Variants in DNAH2 observed in about 807,000 individuals in gnomAD.
DNAH2 encodes the protein axonemal beta dynein heavy chain 2.
In DNAH2, 323 loss-of-function variants were observed where a neutral mutation model predicts 523.5. That is an observed-to-expected ratio of 0.62 (90% confidence interval 0.56 to 0.68). The LOEUF (loss-of-function observed/expected upper bound fraction) is 0.68. Ranked by LOEUF, DNAH2 falls within the 30% of genes least tolerant of loss-of-function variation. The pLI is 0.00. For missense variants in DNAH2, 4,907 were observed against 5,701.5 expected, an observed-to-expected ratio of 0.86 and a Z score of 4.49; for synonymous variants, 2,093 against 2,177.4, an observed-to-expected ratio of 0.96 and a Z score of 1.08.
Position 7,738,391 on chromosome 17 carries a change from G to A in DNAH2, c.1170+1133G>A, listed in dbSNP as rs540469610. ...GCCACCCAGGCTGGAGTGCAGTGGC[G>A]CGATCTCAGCTCACTGCAAGCTCAG... On this transcript the variant is annotated intron_variant, in intron 8 of 85. Coordinates refer to ENST00000572933, the MANE Select transcript of DNAH2 (RefSeq NM_020877.5). Among the ~76,000 whole-genome samples the A allele has an allele frequency of 7.3e-4, 111 of 152,010 alleles. 1 individual carries two copies. The highest frequency in any genetic ancestry group is 1.5e-3 in the South Asian group (7 of 4,820).
At chr17:7,740,066 C>CG (rs35897432) in intron 9 of DNAH2, 128 bp downstream of exon 9, 104,014 of 274,746 alleles carry the variant, frequency 0.38, 11,157 homozygotes, top group East Asian at 0.59. Context: ...GGCGGTGGCC[C>CG]GGGGGGGGGG....
At chr17:7,733,464 GC>G (rs910804185) in intron 5 of DNAH2, 149 bp downstream of exon 5, 86 of 565,118 alleles carry the variant, frequency 1.5e-4, no homozygotes, top group Non-Finnish European at 2.2e-4. Flanking sequence ...TACAAGATCC[GC>G]CTTCTTCTTC....
At chr17:7,719,650 A>T in intron 1 of DNAH2, 71 bp from the exon 2 acceptor site, 1 of 1,567,230 alleles carries the variant, frequency 6.4e-7, no homozygotes. Context: ...TTCAAAAGGG[A>T]CTGCTTGTAT....
chr17:7,763,531 G>A (rs888326514), intron 18 of DNAH2, among the ~76,000 whole-genome samples: 3 of 152,064 alleles, frequency 2.0e-5, no homozygotes, highest in African/African-American at 7.2e-5. Flanking sequence ...CACCTGCCTC[G>A]GCCTCCCAAA....
rs2642160 is a variant in DNAH2 at position 7,742,848 on chromosome 17, A to T, written c.1690-80A>T. On this transcript the variant is annotated intron_variant, in intron 11 of 85. Coordinates refer to ENST00000572933, the MANE Select transcript of DNAH2 (RefSeq NM_020877.5). The stretch of plus-strand genomic sequence containing the variant: ...TGTTGGGGTATGTGCGCATGCGCGC[A>T]TGTGTAGGTCTCAGGGAGATGGTGG... 3 of 1,000,250 alleles carry T rather than the reference A, an allele frequency of 3.0e-6. No homozygotes were observed. In the African/African-American group the frequency reaches 5.1e-5, roughly 17 times the overall value. The allele number at this position is 1,000,250 out of a possible 1,614,324, so 62.0% of individuals were successfully genotyped here.
chr17:7,787,145 A>C (rs769249402), intron 42 of DNAH2, 112 bp downstream of exon 42: 96 of 1,366,516 alleles, frequency 7.0e-5, no homozygotes, highest in Non-Finnish European at 9.3e-5. Context: ...TCTGTGGGAG[A>C]GAGCTGAAAG....
In DNAH2 at chr17:7,770,333, G is replaced by A; in HGVS notation, c.4023G>A (p.Glu1341=). Residue 1341 remains glutamate, a synonymous_variant, in exon 25 of 86, where the codon GAG becomes GAA. Transcript: ENST00000572933. ...GCTTCACCTTGGAGCAGATTGTGGA[G>A]CTTGGGATGGATCAGCATGTGGAGA... ...SESFTLEQIV[E]LGMDQHVEKI... 2 of 1,614,146 alleles carry A rather than the reference G, an allele frequency of 1.2e-6. No individual in the cohort carries two copies. The highest frequency in any genetic ancestry group is 2.2e-5 in the East Asian group (1 of 44,890).
chr17:7,733,282 T>C lies in DNAH2; in HGVS notation c.595T>C (p.Ser199Pro), dbSNP rs2151136487. 1 of 1,614,102 alleles carries C rather than the reference T, an allele frequency of 6.2e-7. No individual in the cohort carries two copies. The highest frequency in any genetic ancestry group is 8.5e-7 in the Non-Finnish European group (1 of 1,180,018). Residue 199 changes from serine (S) to proline (P), a missense_variant, in exon 5 of 86, where the codon TCT becomes CCT. By Grantham distance (74) the Ser-to-Pro change is moderately conservative (BLOSUM62 -1). Transcript: ENST00000572933. ...WPESIRNHFA[S>P]HLHKFLACLT... ...TGAGAGCATTAGAAATCATTTTGCT[T>C]CTCATCTGCACAAGTTCTTGGCCTG...
At chr17:7,774,119 C>G (rs1339672896) in intron 28 of DNAH2, among the ~76,000 whole-genome samples, 1 of 152,194 alleles carries the variant, frequency 6.6e-6, no homozygotes, top group Admixed American at 6.5e-5. Context: ...TATGGAAGCA[C>G]TTTACGGCTT....
intron 8 of DNAH2, chr17:7,738,884 C>G (rs1411912578): frequency 8.7e-6 from 6 of 692,016 alleles, no homozygotes; most frequent in Non-Finnish European, 1.6e-5. Context: ...CATAGCCAGA[C>G]TGCTCTTGCC....
rs190599174 is a variant in DNAH2, at chr17:7,770,540, C to T, written c.4099-17C>T. 5.0e-3 allele frequency: 8,112 copies of T among 1,613,970 alleles called. 23 individuals carry two copies. The highest frequency in any genetic ancestry group is 8.4e-3 in the Middle Eastern group (51 of 6,060). Reference sequence around the variant, plus strand: ...AAGAGATACCTGACTGCTGTGTCCCCCAATTTCTCTCCACAGGCTTTACAA... The same window carrying T: ...AAGAGATACCTGACTGCTGTGTCCCTCAATTTCTCTCCACAGGCTTTACAA... On this transcript the variant is annotated splice_polypyrimidine_tract_variant and intron_variant, in intron 25 of 85. Coordinates refer to ENST00000572933, the MANE Select transcript of DNAH2 (RefSeq NM_020877.5).
At chr17:7,778,534 G>A in intron 35 of DNAH2, 65 bp downstream of exon 35, 1 of 1,470,458 alleles carries the variant, frequency 6.8e-7, no homozygotes, top group Non-Finnish European at 9.1e-7. Flanking sequence ...AAAATAAACT[G>A]AAACCCAAAT....
Position 7,817,383 on chromosome 17 carries a change from G to C in DNAH2, c.9988G>C (p.Asp3330His), listed in dbSNP as rs2077702209. The change falls in exon 65 of 86, where the codon GAT (aspartate) becomes CAT (histidine). Residue 3330 changes from aspartate to histidine, a missense_variant. By Grantham distance (81) the Asp-to-His change is moderately conservative. This residue lies in a region of DNAH2 where 1,851 missense variants were observed against 2,139.4 expected (regional missense o/e 0.87). Coordinates refer to ENST00000572933, the MANE Select transcript of DNAH2 (RefSeq NM_020877.5). ...YMGPFLTNYR[D>H]EIVNQIWIGK... ...GGGACCCTTCCTGACCAACTACCGG[G>C]ATGAGATTGTCAACCAAATCTGGAT... 6.2e-7 allele frequency: 1 copy of C among 1,613,756 alleles called. No individual in the cohort carries two copies. Among genetic ancestry groups the C allele is most frequent in the Non-Finnish European group, 8.5e-7 (1 of 1,179,984 alleles).
intron 73 of DNAH2, among the ~76,000 whole-genome samples, chr17:7,823,236 G>A (rs557349570): frequency 3.3e-4 from 49 of 150,412 alleles, no homozygotes; most frequent in African/African-American, 1.2e-3. Flanking sequence ...AGAGGTTGCA[G>A]TGAGCCGAGA....
intron 39 of DNAH2, among the ~76,000 whole-genome samples, chr17:7,785,493 A>G (rs1012760818): frequency 1.3e-5 from 2 of 152,206 alleles, no homozygotes; most frequent in Non-Finnish European, 2.9e-5. Context: ...CATACTAATA[A>G]AACTACTTCT....
Position 7,767,935 on chromosome 17 carries a change from A to G in DNAH2, c.3711A>G (p.Ala1237=). ...LDALQQIWEI[A]RDWEENWNEW... ...CCCTCCAGCAAATCTGGGAGATCGC[A>G]CGAGACTGGGAGGAGAACTGGAATG... The change falls in exon 23 of 86, where the codon GCA becomes GCG. Residue 1237 remains alanine, a synonymous_variant. Transcript: ENST00000572933. The G allele has an allele frequency of 6.2e-7, 1 of 1,614,066 alleles. No homozygotes were observed. The highest frequency in any genetic ancestry group is 8.5e-7 in the Non-Finnish European group (1 of 1,179,948).
Position 7,798,589 on chromosome 17 carries a change from G to A in DNAH2, c.8430G>A (p.Val2810=), listed in dbSNP as rs759919828. ...DIKRLYRQAG[V]ELKTTSFIFV... ...AGCGTCTGTATCGCCAGGCTGGGGT[G>A]GAGCTCAAGACCACGTCCTTCATTT... is the stretch of plus-strand genomic sequence containing the variant. Residue 2810 remains valine (V), a synonymous_variant, in exon 55 of 86, where the codon GTG becomes GTA. Coordinates refer to ENST00000572933, the MANE Select transcript of DNAH2 (RefSeq NM_020877.5). This position sits in a 1 kb window ranked among gnomAD's most constrained non-coding sequence, Gnocchi z 5.5. 1.9e-5 allele frequency: 31 copies of A among 1,614,040 alleles called. No individual in the cohort carries two copies. Among genetic ancestry groups the A allele is most frequent in the Admixed American group, 3.3e-5 (2 of 60,008 alleles).
At chr17:7,778,210 G>A (rs371045405) in intron 34 of DNAH2, 30 bp downstream of exon 34, 73 of 1,613,986 alleles carry the variant, frequency 4.5e-5, no homozygotes, top group East Asian at 2.0e-4. Flanking sequence ...TGAGGTGGCT[G>A]GGGTGGGGGG....
intron 63 of DNAH2, among the ~76,000 whole-genome samples, chr17:7,814,794 G>T (rs2077614014): frequency 6.6e-6 from 1 of 152,212 alleles, no homozygotes; most frequent in African/African-American, 2.4e-5. Context: ...AGGTTGCGGT[G>T]AGGTGAGATG....
Sources: allele counts gnomAD v4.1 joint callset (sites outside exome capture counted in the v4.1 genomes callset), GRCh38; gene constraint gnomAD v4.1.1; regional missense constraint gnomAD v4.1.1; non-coding constraint Gnocchi (gnomAD v3.1); transcripts MANE v1.5; gene names NCBI Gene and HGNC (gene_info 2026-07-23, HGNC 2026-07-21).